Variants in KLHL1 observed in about 807,000 individuals in gnomAD.
The protein encoded by KLHL1 is kelch-like protein 1.
KLHL1 carries 47 observed loss-of-function variants against 77.7 expected under a neutral mutation model. The ratio of observed to expected loss-of-function variants is 0.60; its 90% CI spans 0.48 to 0.77. The LOEUF (loss-of-function observed/expected upper bound fraction) is 0.77, where lower values mean the gene tolerates loss of function less well. Ranked by LOEUF, KLHL1 falls within the 30% of genes least tolerant of loss-of-function variation. The pLI is 0.00. For synonymous variants in KLHL1, 360 were observed against 325.2 expected, an observed-to-expected ratio of 1.11 and a Z score of -1.15; for missense variants, 925 against 910.8, an observed-to-expected ratio of 1.02 and a Z score of -0.20.
chr13:70,087,271 G>T (rs1218135006), intron 1 of KLHL1, among the ~76,000 whole-genome samples: 4 of 152,064 alleles, frequency 2.6e-5, no homozygotes, highest in African/African-American at 9.7e-5. Flanking sequence ...AATTGGAAAT[G>T]AAAAAATATA....
intron 1 of KLHL1, among the ~76,000 whole-genome samples, chr13:70,038,258 G>A (rs552649080): frequency 6.6e-6 from 1 of 152,262 alleles, no homozygotes; most frequent in South Asian, 2.1e-4. Context: ...TTTTACTGCT[G>A]AGCATTATTC....
At chr13:69,947,368 G>A (rs1203342030) in intron 3 of KLHL1, among the ~76,000 whole-genome samples, 1 of 151,798 alleles carries the variant, frequency 6.6e-6, no homozygotes, top group East Asian at 1.9e-4. Context: ...ATATGTGTGT[G>A]TATTTTTACT....
chr13:69,926,105 T>C (rs1293048443), intron 4 of KLHL1, among the ~76,000 whole-genome samples: 3 of 152,204 alleles, frequency 2.0e-5, no homozygotes, highest in East Asian at 3.9e-4. Context: ...TAAACGTTTC[T>C]AGTTTTTTAT....
chr13:69,848,938 AC>A (rs1013891125), intron 5 of KLHL1, among the ~76,000 whole-genome samples: 41 of 151,706 alleles, frequency 2.7e-4, no homozygotes, highest in Non-Finnish European at 5.8e-4. Context: ...TTTTTGATTA[AC>A]TTTTATTTAT....
At chr13:69,996,080 G>T (rs1248904943) in intron 1 of KLHL1, among the ~76,000 whole-genome samples, 1 of 152,086 alleles carries the variant, frequency 6.6e-6, no homozygotes, top group Non-Finnish European at 1.5e-5. Context: ...CAATGCGGGA[G>T]GATCATGAGG....
At chr13:69,892,933 C>A (rs1392725083) in intron 4 of KLHL1, among the ~76,000 whole-genome samples, 1 of 152,180 alleles carries the variant, frequency 6.6e-6, no homozygotes, top group Non-Finnish European at 1.5e-5. Flanking sequence ...ATTTTGCATT[C>A]ATTTATTGCT....
chr13:69,788,335 AAAAT>A (rs1876671035), intron 7 of KLHL1, among the ~76,000 whole-genome samples: 2 of 152,210 alleles, frequency 1.3e-5, no homozygotes, highest in South Asian at 2.1e-4. Context: ...GCAGCCATAA[AAAAT>A]AAAGAGTTCA....
rs564034504 is a variant in KLHL1, at chr13:69,792,779, A to G, written c.1639+3959T>C. 4.2e-4 allele frequency among the ~76,000 whole-genome samples: 64 copies of G among 152,268 alleles called. 1 individual carries two copies. In the South Asian group the frequency reaches 0.013, roughly 32 times the overall value. On this transcript the variant is annotated intron_variant, in intron 7 of 10. Transcript: ENST00000377844. ...TTGTGCTACATGAAAGAAGCCATAC[A>G]CAAAAGGCCAGAAATTGTATAATTA...
At chr13:70,057,782 CA>C (rs60920874) in intron 1 of KLHL1, among the ~76,000 whole-genome samples, 2,859 of 62,130 alleles carry the variant, frequency 0.046, 8 homozygotes, top group African/African-American at 0.12. Flanking sequence ...GACTCCGTCT[CA>C]AAAAAAAAAA....
intron 7 of KLHL1, among the ~76,000 whole-genome samples, chr13:69,774,800 C>A (rs754377056): frequency 6.6e-6 from 1 of 152,054 alleles, no homozygotes; most frequent in African/African-American, 2.4e-5. Flanking sequence ...ATTGAACTGA[C>A]TACCTATGTG....
At chr13:70,060,371 C>T (rs1886849841) in intron 1 of KLHL1, among the ~76,000 whole-genome samples, 1 of 152,014 alleles carries the variant, frequency 6.6e-6, no homozygotes, top group Non-Finnish European at 1.5e-5. Flanking sequence ...CTGCAAAAAC[C>T]TAAAAGTAGA....
intron 7 of KLHL1, among the ~76,000 whole-genome samples, chr13:69,764,929 CTTTTTTTTTTTTTTTTTTTTTTTTT>C (rs71196263): frequency 1.0e-4 from 4 of 39,726 alleles, no homozygotes; most frequent in East Asian, 1.3e-3. Flanking sequence ...TATATCTTTG[CTTTTTTTTTTTTTTTTTTTTTTTTT>C]TTTTTTTTTT....
chr13:69,937,167 G>A (rs549013148), intron 4 of KLHL1, among the ~76,000 whole-genome samples: 17 of 152,282 alleles, frequency 1.1e-4, no homozygotes, highest in African/African-American at 4.1e-4. Context: ...GGGAAGGAAA[G>A]ATCTGGAGAT....
intron 7 of KLHL1, among the ~76,000 whole-genome samples, chr13:69,758,164 A>C (rs570445129): frequency 1.3e-3 from 191 of 152,044 alleles, no homozygotes; most frequent in Non-Finnish European, 2.3e-3. Context: ...TTTGGAGTTT[A>C]CTCAAAAGGT....
chr13:69,801,110 T>A (rs754268674), intron 6 of KLHL1, among the ~76,000 whole-genome samples: 26 of 152,126 alleles, frequency 1.7e-4, no homozygotes, highest in Non-Finnish European at 3.7e-4. Context: ...TGTAACAAAA[T>A]TGCACATATA....
rs781202105 is a variant in KLHL1 at position 69,981,897 on chromosome 13, C to T, written c.498-6095G>A. Reference sequence around the variant, plus strand: ...ATTATGATAGATAAACCACATATATCTTTAAAATAAAAAGATTAAAAGAGG... The same window carrying T: ...ATTATGATAGATAAACCACATATATTTTTAAAATAAAAAGATTAAAAGAGG... On this transcript the variant is annotated intron_variant, in intron 1 of 10. Transcript: ENST00000377844. Among the ~76,000 whole-genome samples the T allele has an allele frequency of 4.9e-4, 75 of 151,630 alleles. No individual in the cohort carries two copies. The Middle Eastern group carries it at 0.01, about 21-fold the overall frequency.
At chr13:69,980,600 T>C (rs1884678223) in intron 1 of KLHL1, among the ~76,000 whole-genome samples, 1 of 152,214 alleles carries the variant, frequency 6.6e-6, no homozygotes, top group African/African-American at 2.4e-5. Context: ...GATATTCCCA[T>C]GGCTGACTAC....
At chr13:70,085,960 C>T (rs1381037668) in intron 1 of KLHL1, among the ~76,000 whole-genome samples, 4 of 152,112 alleles carry the variant, frequency 2.6e-5, no homozygotes, top group African/African-American at 9.7e-5. Context: ...TTTCATATTG[C>T]TAAGTAAAAT....
chr13:69,971,787 C>G (rs1037598308), intron 2 of KLHL1, among the ~76,000 whole-genome samples: 7 of 152,084 alleles, frequency 4.6e-5, no homozygotes, highest in Non-Finnish European at 5.9e-5. Flanking sequence ...ATATTGAAAA[C>G]TCTACAAGGA....
Sources: gnomAD v4.1 joint callset for allele counts (sites outside exome capture counted in the v4.1 genomes callset) on GRCh38, gnomAD v4.1.1 for gene constraint, MANE v1.5 for transcripts, NCBI Gene and HGNC (gene_info 2026-07-23, HGNC 2026-07-21) for gene names.